The following UNC5A variants were observed in gnomAD, a reference collection of about 807,000 sequenced individuals.
The protein encoded by UNC5A is unc-5 netrin receptor A, also known as netrin receptor UNC5A.
In UNC5A, 20 loss-of-function variants were observed where a neutral mutation model predicts 87.4. The observed-to-expected ratio is 0.23, with a 90% CI of 0.16 to 0.33. The LOEUF is 0.33. Among genes scored for constraint, UNC5A ranks in the 10% least tolerant of loss-of-function variants. The pLI is 1.00. For synonymous variants in UNC5A, 438 were observed against 482.3 expected (o/e 0.91, Z 1.20); for missense variants, 844 against 1,133.4 (o/e 0.74, Z 3.67).
chr5:176,877,288 G>T lies in UNC5A; in HGVS notation c.1466+9G>T, dbSNP rs544266330. 1.2e-5 allele frequency: 20 copies of T among 1,609,268 alleles called. No individual in the cohort carries two copies. Among genetic ancestry groups the T allele is most frequent in the Admixed American group, 6.7e-5 (4 of 59,842 alleles). ...AAGCCGGAAGACGTGAGGTGTGGCC[G>T]CGGGCCCTGTTGCCGGGGGTGGGAG... On this transcript the variant is annotated intron_variant, in intron 9 of 14. Coordinates refer to ENST00000329542, the MANE Select transcript of UNC5A (RefSeq NM_133369.3).
At chr5:176,830,283 C>T (rs972600346) in intron 1 of UNC5A, among the ~76,000 whole-genome samples, 3 of 152,246 alleles carry the variant, frequency 2.0e-5, no homozygotes, top group Non-Finnish European at 4.4e-5. Context: ...CTCTCCAGAG[C>T]AGCTCACAGT....
chr5:176,873,869 C>CGGGGTGCAGACCTCATCCTCCT, intron 6 of UNC5A, 99 bp from the exon 7 acceptor site: 2 of 1,312,378 alleles, frequency 1.5e-6, no homozygotes, highest in Non-Finnish European at 2.1e-6. Flanking sequence ...GCAGATGCCC[C>CGGGGTGCAGACCTCATCCTCCT]GGGGTGCAGA....
In UNC5A at chr5:176,859,557, T is replaced by C. The variant is rs200180551; in HGVS notation, c.71-3067T>C. ...GCTAGAGGGCATAGCTGCTAGAATG[T>C]CCTTGCTAGAGGGCATGGCTGCTAG... On this transcript the variant is annotated intron_variant, in intron 1 of 14. Coordinates refer to ENST00000329542, the MANE Select transcript of UNC5A (RefSeq NM_133369.3). 8.6e-4 allele frequency among the ~76,000 whole-genome samples: 49 copies of C among 56,662 alleles called. 1 individual carries two copies. The highest frequency in any genetic ancestry group is 1.9e-3 in the African/African-American group (43 of 22,808). 37.2% of individuals were successfully genotyped at this position (56,662 alleles called of 152,430 possible). A position where few individuals can be genotyped will look rare whatever the true frequency, so the allele number is the denominator to read the frequency against.
rs35268512 is a variant in UNC5A at position 176,842,492 on chromosome 5, G to GATATATATATATATATATATATAT, written c.71-20114_71-20113insATATATATATATATATATATATAT. On this transcript the variant is annotated intron_variant, in intron 1 of 14. Transcript: ENST00000329542. ...GTCAATCAACAAATGGAGAAACTGTGATATATATATATATATATGATGGAA... is the reference window on the plus strand; with the variant it reads ...GTCAATCAACAAATGGAGAAACTGTGATATATATATATATATATATATATATATATATATATATATATGATGGAA... 2.3e-3 allele frequency among the ~76,000 whole-genome samples: 337 copies of GATATATATATATATATATATATAT among 145,500 alleles called. 6 individuals carry two copies. Among genetic ancestry groups the GATATATATATATATATATATATAT allele is most frequent in the African/African-American group, 8.5e-3 (320 of 37,610 alleles).
chr5:176,853,084 C>A (rs780099001), intron 1 of UNC5A, among the ~76,000 whole-genome samples: 2 of 152,238 alleles, frequency 1.3e-5, no homozygotes, highest in Admixed American at 6.5e-5. Context: ...TTAGAGCAGG[C>A]AGCTGTGGGA....
chr5:176,869,692 G>A lies in UNC5A; in HGVS notation c.722-678G>A, dbSNP rs1253035222. 1.0e-5 allele frequency: 7 copies of A among 691,330 alleles called. No individual in the cohort carries two copies. Among genetic ancestry groups the A allele is most frequent in the South Asian group, 1.5e-5 (1 of 66,654 alleles). The allele number at this position is 691,330 out of a possible 1,614,324, so 42.8% of individuals were successfully genotyped here. On this transcript the variant is annotated intron_variant, in intron 5 of 14. Coordinates refer to ENST00000329542, the MANE Select transcript of UNC5A (RefSeq NM_133369.3). The surrounding 1 kb of genome is among the most constrained non-coding windows in gnomAD (Gnocchi z 9.1). ...GGGCGCGGCTGGCAGAAACGGAGCC[G>A]GAGCTGCACCAACCCGGCGCCTCTC...
At chr5:176,860,438 G>C (rs1223997896) in intron 1 of UNC5A, among the ~76,000 whole-genome samples, 1 of 152,152 alleles carries the variant, frequency 6.6e-6, no homozygotes, top group Non-Finnish European at 1.5e-5. Flanking sequence ...CCAGACCGTG[G>C]GAGGACCATG....
chr5:176,828,011 C>T (rs2113599578), intron 1 of UNC5A, among the ~76,000 whole-genome samples: 1 of 152,160 alleles, frequency 6.6e-6, no homozygotes, highest in African/African-American at 2.4e-5. Flanking sequence ...GGGTCTGGGC[C>T]TCTCTCAGCC....
rs775848241 is a variant in UNC5A at position 176,862,801 on chromosome 5, G to A, written c.248G>A (p.Arg83His). ...TTCAAGTGCAACGGGGAGTGGGTGC[G>A]CCAGGTGGACCACGTGATCGAGCGC... is the stretch of plus-strand genomic sequence containing the variant. ...IFFKCNGEWV[R>H]QVDHVIERST... The change falls in exon 2 of 15, where the codon CGC becomes CAC. Residue 83 changes from arginine to histidine, a missense_variant. Arg to His is a conservative substitution (Grantham distance 29). Coordinates refer to ENST00000329542, the MANE Select transcript of UNC5A (RefSeq NM_133369.3). 1.5e-5 allele frequency: 25 copies of A among 1,613,220 alleles called. No homozygotes were observed. The highest frequency in any genetic ancestry group is 5.0e-5 in the Admixed American group (3 of 59,970).
rs577437842 is a variant in UNC5A at position 176,830,348 on chromosome 5, G to A, written c.70+19528G>A. The stretch of plus-strand genomic sequence containing the variant: ...TCCATGGGGCATGGGTGCGGTGTGC[G>A]CCTGCTTGTATGCTGGCATGTGTGT... On this transcript the variant is annotated intron_variant, in intron 1 of 14. Coordinates refer to ENST00000329542, the MANE Select transcript of UNC5A (RefSeq NM_133369.3). 3.2e-4 allele frequency among the ~76,000 whole-genome samples: 49 copies of A among 152,266 alleles called. No homozygotes were observed. In the South Asian group the frequency reaches 9.5e-3, roughly 30 times the overall value.
At chr5:176,820,537 G>A (rs547344458) in intron 1 of UNC5A, among the ~76,000 whole-genome samples, 4 of 152,340 alleles carry the variant, frequency 2.6e-5, no homozygotes, top group African/African-American at 9.6e-5. Context: ...GTGCCTGGCT[G>A]GAATCCAGAC....
chr5:176,835,180 C>T lies in UNC5A; in HGVS notation c.70+24360C>T, dbSNP rs139890062. Among the ~76,000 whole-genome samples, 339 of 152,392 alleles carry T rather than the reference C, an allele frequency of 2.2e-3. 3 individuals carry two copies. Among genetic ancestry groups the T allele is most frequent in the African/African-American group, 7.3e-3 (304 of 41,602 alleles). Reference sequence around the variant, plus strand: ...CCCATCAGCCTGGGAATGGGGCCTCCGGCCAGGGGCTGGCTTGTACACCTG... The same window carrying T: ...CCCATCAGCCTGGGAATGGGGCCTCTGGCCAGGGGCTGGCTTGTACACCTG... On this transcript the variant is annotated intron_variant, in intron 1 of 14. Transcript: ENST00000329542.
chr5:176,879,658 G>A lies in UNC5A; in HGVS notation c.2364-63G>A, dbSNP rs372680251. ...GAGGCCCTGCCCTGGGGTGGGCCAGGGGGGGCAGGAGGTGTCGGCTGGGGC... is the reference window on the plus strand; with the variant it reads ...GAGGCCCTGCCCTGGGGTGGGCCAGAGGGGGCAGGAGGTGTCGGCTGGGGC... On this transcript the variant is annotated intron_variant, in intron 14 of 14. Coordinates refer to ENST00000329542, the MANE Select transcript of UNC5A (RefSeq NM_133369.3). 665 of 1,590,432 alleles carry A rather than the reference G, an allele frequency of 4.2e-4. 4 individuals are homozygous for A. The East Asian group carries it at 0.011, about 26-fold the overall frequency.
intron 1 of UNC5A, among the ~76,000 whole-genome samples, chr5:176,836,272 C>A (rs1757146964): frequency 6.6e-6 from 1 of 152,156 alleles, no homozygotes; most frequent in Non-Finnish European, 1.5e-5. Context: ...ATGTTCTTCT[C>A]CCAACAGGTG....
chr5:176,864,163 G>A (rs140361347), intron 2 of UNC5A, among the ~76,000 whole-genome samples: 7 of 152,206 alleles, frequency 4.6e-5, no homozygotes, highest in East Asian at 2.0e-4. Flanking sequence ...GGCCCAGGAA[G>A]GATTCCCAGC....
chr5:176,831,709 C>A (rs1757028769), intron 1 of UNC5A, among the ~76,000 whole-genome samples: 1 of 152,180 alleles, frequency 6.6e-6, no homozygotes, highest in African/African-American at 2.4e-5. Flanking sequence ...CTCCACCTCC[C>A]AGAGCTGACC....
Position 176,874,251 on chromosome 5 carries a change from C to G in UNC5A, c.1076-13C>G, listed in dbSNP as rs1337490620. On this transcript the variant is annotated splice_polypyrimidine_tract_variant and intron_variant, in intron 7 of 14. Transcript: ENST00000329542. This position sits in a 1 kb window ranked among gnomAD's most constrained non-coding sequence, Gnocchi z 7.6. The stretch of plus-strand genomic sequence containing the variant: ...CCTAGGTGCCATTGCCTGAGTCTGT[C>G]TTTATCCTGCAGACAACCCCCATCT... The G allele has an allele frequency of 4.0e-5, 64 of 1,584,150 alleles. No individual in the cohort carries two copies. Among genetic ancestry groups the G allele is most frequent in the Non-Finnish European group, 5.2e-5 (61 of 1,163,674 alleles).
chr5:176,827,142 G>A lies in UNC5A; in HGVS notation c.70+16322G>A, dbSNP rs1000385332. Among the ~76,000 whole-genome samples the A allele has an allele frequency of 6.7e-5, 10 of 148,596 alleles. 1 individual carries two copies. Among genetic ancestry groups the A allele is most frequent in the Middle Eastern group, 7.0e-3 (2 of 284 alleles). ...AGCATAATGTGCTCCAGGTTCATCC[G>A]TGTTGTAGCATGAAAGCATGCATCA... On this transcript the variant is annotated intron_variant, in intron 1 of 14. Coordinates refer to ENST00000329542, the MANE Select transcript of UNC5A (RefSeq NM_133369.3).
At chr5:176,831,885 C>CTCTTTTTTTTTTTTTTTTTTTTTTTTT (rs1561644956) in intron 1 of UNC5A, among the ~76,000 whole-genome samples, 1 of 27,664 alleles carries the variant, frequency 3.6e-5, no homozygotes, top group African/African-American at 6.1e-5. Context: ...TTCTCTCTCT[C>CTCTTTTTTTTTTTTTTTTTTTTTTTTT]TTTTTTTTTT....
Sources: gnomAD v4.1 joint callset for allele counts (sites outside exome capture counted in the v4.1 genomes callset) on GRCh38, gnomAD v4.1.1 for gene constraint, Gnocchi (gnomAD v3.1) non-coding constraint, MANE v1.5 for transcripts, NCBI Gene and HGNC (gene_info 2026-07-23, HGNC 2026-07-21) for gene names.